PDGFD: variants seen among roughly 807,000 people sequenced by gnomAD.
PDGFD encodes platelet derived growth factor D, also known as platelet-derived growth factor D.
Under a neutral mutation model 44.7 loss-of-function variants are expected in PDGFD, and 30 were observed. The ratio of observed to expected loss-of-function variants is 0.67; its 90% CI spans 0.50 to 0.91. The LOEUF (loss-of-function observed/expected upper bound fraction) is 0.91, where lower values mean the gene tolerates loss of function less well. Among genes scored for constraint, PDGFD ranks in the 40% least tolerant of loss-of-function variants. The pLI, the probability that PDGFD is intolerant of heterozygous loss-of-function variation, is 0.00. For missense variants in PDGFD, 445 were observed against 457.8 expected, an observed-to-expected ratio of 0.97 and a Z score of 0.25; for synonymous variants, 173 against 168.4, an observed-to-expected ratio of 1.03 and a Z score of -0.21.
chr11:104,140,850 A>G (rs554355992), intron 1 of PDGFD, among the ~76,000 whole-genome samples: 1 of 152,176 alleles, frequency 6.6e-6, no homozygotes, highest in African/African-American at 2.4e-5. Context: ...TTGTTTATCA[A>G]TTTTACTGCT....
Position 103,927,029 on chromosome 11 carries a change from C to A in PDGFD, c.870G>T (p.Val290=). ...NIREELKLAN[V]VFFPRCLLVQ... is the part of the protein sequence containing the mutation. ...CGAGGAGGCAACGTGGAAAGAAGACCACATTGGCCAACTTCAGCTCTTCTC... is the reference window on the plus strand; with the variant it reads ...CGAGGAGGCAACGTGGAAAGAAGACAACATTGGCCAACTTCAGCTCTTCTC... Residue 290 remains valine (V), a synonymous_variant, in exon 6 of 7, where the codon GTG becomes GTT. Transcript: ENST00000393158. 6.2e-7 allele frequency: 1 copy of A among 1,614,178 alleles called. No homozygotes were observed. Among genetic ancestry groups the A allele is most frequent in the South Asian group, 1.1e-5 (1 of 91,084 alleles).
At chr11:104,042,257 A>C (rs2134399943) in intron 1 of PDGFD, among the ~76,000 whole-genome samples, 1 of 152,344 alleles carries the variant, frequency 6.6e-6, no homozygotes, top group Non-Finnish European at 1.5e-5. Context: ...ATTATCTAAA[A>C]ATAAAAATAT....
At chr11:103,973,283 C>T (rs751344534) in intron 3 of PDGFD, among the ~76,000 whole-genome samples, 2 of 150,366 alleles carry the variant, frequency 1.3e-5, no homozygotes, top group East Asian at 2.0e-4. Context: ...GGACCACAGG[C>T]GCCTGCCACC....
chr11:104,032,767 C>A (rs530918452), intron 1 of PDGFD, among the ~76,000 whole-genome samples: 24 of 151,678 alleles, frequency 1.6e-4, no homozygotes, highest in African/African-American at 4.4e-4. Context: ...AGTACCATCT[C>A]TTCTGTTTTC....
rs182244222 is a variant in PDGFD at position 103,985,464 on chromosome 11, G to T, written c.510+10601C>A. The stretch of plus-strand genomic sequence containing the variant: ...AATCCTCCTGCATCAGCCTCCCAAA[G>T]TGCTGGGATTACAGGTGTGAGCTAC... On this transcript the variant is annotated intron_variant, in intron 3 of 6. Transcript: ENST00000393158. Among the ~76,000 whole-genome samples the T allele has an allele frequency of 6.2e-3, 945 of 151,610 alleles. 36 individuals carry two copies. The highest frequency in any genetic ancestry group is 0.022 in the African/African-American group (895 of 41,082).
intron 1 of PDGFD, among the ~76,000 whole-genome samples, chr11:104,066,797 G>A (rs575138233): frequency 6.6e-6 from 1 of 152,184 alleles, no homozygotes; most frequent in African/African-American, 2.4e-5. Flanking sequence ...TAGTTCATAC[G>A]ATCAAATCAC....
intron 3 of PDGFD, among the ~76,000 whole-genome samples, chr11:103,986,271 G>A (rs1205070869): frequency 1.3e-5 from 2 of 152,132 alleles, no homozygotes; most frequent in Non-Finnish European, 2.9e-5. Flanking sequence ...AGTTAGAATG[G>A]CTGAATCTTA....
intron 1 of PDGFD, among the ~76,000 whole-genome samples, chr11:104,064,509 G>T (rs185354165): frequency 3.2e-4 from 48 of 152,296 alleles, no homozygotes; most frequent in Admixed American, 2.1e-3. Flanking sequence ...TCAGTACATA[G>T]ATGACAGTCA....
At chr11:104,142,435 ATG>A (rs1275322797) in intron 1 of PDGFD, among the ~76,000 whole-genome samples, 2 of 152,046 alleles carry the variant, frequency 1.3e-5, no homozygotes, top group African/African-American at 4.8e-5. Flanking sequence ...ATGTACAGGA[ATG>A]TGTGTGTGTA....
chr11:103,929,086 C>T (rs1343774265), intron 5 of PDGFD, among the ~76,000 whole-genome samples: 2 of 152,208 alleles, frequency 1.3e-5, no homozygotes, highest in Non-Finnish European at 2.9e-5. Context: ...AACACTGAGT[C>T]TCTGCTTTCG....
At chr11:104,097,718 A>T (rs1861306731) in intron 1 of PDGFD, among the ~76,000 whole-genome samples, 1 of 152,194 alleles carries the variant, frequency 6.6e-6, no homozygotes, top group Admixed American at 6.6e-5. Flanking sequence ...AACTCTATGA[A>T]GAAGATGCAG....
At chr11:104,150,947 A>G (rs1862235185) in intron 1 of PDGFD, among the ~76,000 whole-genome samples, 1 of 152,214 alleles carries the variant, frequency 6.6e-6, no homozygotes, top group Non-Finnish European at 1.5e-5. Context: ...TTATTCAGCC[A>G]TAGGACAAAC....
intron 1 of PDGFD, among the ~76,000 whole-genome samples, chr11:104,043,192 T>C (rs747220071): frequency 3.3e-5 from 5 of 152,136 alleles, no homozygotes; most frequent in Admixed American, 6.6e-5. Flanking sequence ...CTGCTCCCCA[T>C]TTGAGACACT....
intron 1 of PDGFD, chr11:104,036,750 G>T: frequency 2.4e-6 from 3 of 1,237,778 alleles, no homozygotes; most frequent in Non-Finnish European, 3.5e-6. Context: ...CGGCACCAAC[G>T]ACGCAGGCCC....
chr11:103,997,703 G>T (rs1392657293), intron 2 of PDGFD, among the ~76,000 whole-genome samples: 1 of 152,102 alleles, frequency 6.6e-6, no homozygotes. Flanking sequence ...ATTTCATTTT[G>T]TATACAATAC....
chr11:104,043,549 A>G (rs1860392690), intron 1 of PDGFD, among the ~76,000 whole-genome samples: 1 of 152,152 alleles, frequency 6.6e-6, no homozygotes, highest in African/African-American at 2.4e-5. Flanking sequence ...CAGTTTGACA[A>G]TTGTACTAGT....
At chr11:103,980,818 A>T (rs993798564) in intron 3 of PDGFD, among the ~76,000 whole-genome samples, 1 of 152,030 alleles carries the variant, frequency 6.6e-6, no homozygotes, top group Non-Finnish European at 1.5e-5. Flanking sequence ...TGAAGCTACA[A>T]GAAGAATTTG....
At chr11:104,031,118 A>G (rs940438119) in intron 1 of PDGFD, among the ~76,000 whole-genome samples, 15 of 152,214 alleles carry the variant, frequency 9.9e-5, no homozygotes, top group Non-Finnish European at 1.6e-4. Flanking sequence ...AAGCAATTGC[A>G]ACAAAAGCAA....
At chr11:104,089,579 A>G (rs1291797587) in intron 1 of PDGFD, among the ~76,000 whole-genome samples, 1 of 152,226 alleles carries the variant, frequency 6.6e-6, no homozygotes, top group African/African-American at 2.4e-5. Flanking sequence ...AGAGTTTACC[A>G]ACGCTAATAC....
Sources: gnomAD v4.1 joint callset for allele counts (sites outside exome capture counted in the v4.1 genomes callset) on GRCh38, gnomAD v4.1.1 for gene constraint, MANE v1.5 for transcripts, NCBI Gene and HGNC (gene_info 2026-07-23, HGNC 2026-07-21) for gene names.